The following TENM1 variants were observed in gnomAD, a reference collection of about 807,000 sequenced individuals.
The protein encoded by TENM1 is teneurin transmembrane protein 1, also known as teneurin-1.
Under a neutral mutation model 174.8 loss-of-function variants are expected in TENM1, and 35 were observed. That is an observed-to-expected ratio of 0.20 (90% CI 0.15 to 0.27). The LOEUF (loss-of-function observed/expected upper bound fraction) is 0.27, where lower values mean the gene tolerates loss of function less well. TENM1 is among the 10% of genes least tolerant of loss of function. The pLI, the probability that TENM1 is intolerant of heterozygous loss-of-function variation, is 1.00. For synonymous variants in TENM1, 781 were observed against 798.7 expected (o/e 0.98, Z 0.37); for missense variants, 1,633 against 2,130.1 (o/e 0.77, Z 4.59).
the TENM1 span, among the ~76,000 whole-genome samples, chrX:125,141,597 G>A: frequency 2.7e-5 from 3 of 111,461 alleles, no homozygotes; most frequent in Non-Finnish European, 5.6e-5. Flanking sequence ...AACAGTGAAG[G>A]TGGAAGTAGA....
the TENM1 span, among the ~76,000 whole-genome samples, chrX:125,200,653 G>GTA: frequency 2.7e-5 from 1 of 37,039 alleles, no homozygotes; most frequent in African/African-American, 1.2e-4. Context: ...GTGTGTGTGT[G>GTA]TGAGAGAGAG....
the TENM1 span, among the ~76,000 whole-genome samples, chrX:124,990,414 G>C: frequency 8.9e-6 from 1 of 112,955 alleles, no homozygotes; most frequent in Non-Finnish European, 1.9e-5. Flanking sequence ...CAAAGGGCTT[G>C]AGGTTTTGCT....
intron 16 of TENM1, among the ~76,000 whole-genome samples, chrX:124,526,296 G>T (rs886356701): frequency 3.6e-5 from 4 of 111,992 alleles, no homozygotes; most frequent in Non-Finnish European, 1.9e-5. Flanking sequence ...CTGCCCGACA[G>T]ATTTCAGACT....
chrX:124,574,304 G>C (rs956699583), intron 11 of TENM1, among the ~76,000 whole-genome samples: 22 of 111,019 alleles, frequency 2.0e-4, no homozygotes, highest in African/African-American at 6.5e-4. Context: ...TACTTTTTAG[G>C]CAAAAGTTTC....
the TENM1 span, among the ~76,000 whole-genome samples, chrX:125,039,787 T>G: frequency 1.8e-5 from 2 of 110,623 alleles, no homozygotes; most frequent in African/African-American, 6.7e-5. Flanking sequence ...GAAGACCGTC[T>G]GTTCAAAAGG....
At chrX:124,519,686 A>T (rs1460855317) in intron 18 of TENM1, among the ~76,000 whole-genome samples, 1 of 111,215 alleles carries the variant, frequency 9.0e-6, no homozygotes, top group African/African-American at 3.3e-5. Context: ...TTTTCTACAG[A>T]GTGAGAGAGA....
the TENM1 span, among the ~76,000 whole-genome samples, chrX:124,979,565 G>T: frequency 9.0e-6 from 1 of 111,008 alleles, no homozygotes; most frequent in Non-Finnish European, 1.9e-5. Context: ...AATTTCATGT[G>T]ACTTCTAGAA....
intron 3 of TENM1, among the ~76,000 whole-genome samples, chrX:124,822,383 A>T (rs772549190): frequency 8.9e-6 from 1 of 112,003 alleles, no homozygotes; most frequent in Non-Finnish European, 1.9e-5. Context: ...TTTTTACTCT[A>T]ACAAATGTAG....
intron 23 of TENM1, among the ~76,000 whole-genome samples, chrX:124,426,895 T>C (rs923909888): frequency 4.5e-5 from 5 of 111,831 alleles, no homozygotes; most frequent in African/African-American, 1.6e-4. Context: ...CCTTTGCATG[T>C]CAGTGCCCTG....
intron 20 of TENM1, among the ~76,000 whole-genome samples, chrX:124,488,880 GA>G (rs1317905510): frequency 2.7e-5 from 3 of 112,477 alleles, no homozygotes; most frequent in South Asian, 7.3e-4. Context: ...CAAGGAGTGA[GA>G]GGGGGATGGT....
intron 1 of TENM1, among the ~76,000 whole-genome samples, chrX:124,956,688 T>C (rs750149365): frequency 5.3e-5 from 6 of 112,691 alleles, no homozygotes; most frequent in South Asian, 3.7e-4. Context: ...GCAGTCATTA[T>C]GGATTTTGTG....
exon 29 of TENM1, chrX:124,385,792 C>T (rs1455232401): frequency 8.3e-7 from 1 of 1,211,613 alleles, no homozygotes; most frequent in African/African-American, 1.7e-5. Context: ...CATAGAGAAC[C>T]TCAGAAAGCC....
chrX:124,587,780 A>T (rs1292577413), intron 11 of TENM1, among the ~76,000 whole-genome samples: 2 of 111,758 alleles, frequency 1.8e-5, no homozygotes, highest in Non-Finnish European at 3.8e-5. Flanking sequence ...AAATTTTCAC[A>T]ACCTACTCAT....
At chrX:124,674,923 A>AG (rs2052027584) in intron 5 of TENM1, among the ~76,000 whole-genome samples, 1 of 111,652 alleles carries the variant, frequency 9.0e-6, no homozygotes, top group Non-Finnish European at 1.9e-5. Flanking sequence ...TAGAAGACTA[A>AG]GGGGGCTATT....
At chrX:124,864,209 CA>C (rs2056964004) in intron 3 of TENM1, among the ~76,000 whole-genome samples, 1 of 112,017 alleles carries the variant, frequency 8.9e-6, no homozygotes, top group Non-Finnish European at 1.9e-5. Flanking sequence ...TGATTAGCAT[CA>C]ACACTATCTA....
intron 3 of TENM1, among the ~76,000 whole-genome samples, chrX:124,824,949 C>A (rs2056120709): frequency 9.0e-6 from 1 of 110,654 alleles, no homozygotes; most frequent in South Asian, 3.8e-4. Context: ...CTAAATCTTG[C>A]CTTACCAAAA....
At chrX:124,563,825 A>T in intron 12 of TENM1, 53 bp from the exon 16 acceptor site, 1 of 1,077,396 alleles carries the variant, frequency 9.3e-7, no homozygotes, top group Non-Finnish European at 1.3e-6. Context: ...GACTAAAGCT[A>T]TACAATATGT....
At chrX:124,448,664 G>A (rs1404815624) in intron 23 of TENM1, among the ~76,000 whole-genome samples, 1 of 111,171 alleles carries the variant, frequency 9.0e-6, no homozygotes, top group Non-Finnish European at 1.9e-5. Context: ...TGTCCTTTTG[G>A]TTCAGGTATA....
intron 3 of TENM1, among the ~76,000 whole-genome samples, chrX:124,794,842 G>A (rs926454948): frequency 2.7e-5 from 3 of 110,818 alleles, no homozygotes; most frequent in Admixed American, 9.6e-5. Context: ...TTTGACACAC[G>A]GGTCTGGTTG....
Sources: gnomAD v4.1 joint callset for allele counts (sites outside exome capture counted in the v4.1 genomes callset) on GRCh38, gnomAD v4.1.1 for gene constraint, MANE v1.5 for transcripts, NCBI Gene and HGNC (gene_info 2026-07-23, HGNC 2026-07-21) for gene names.